The following IMMP2L variants were observed in gnomAD, a reference collection of about 807,000 sequenced individuals.
IMMP2L encodes mitochondrial inner membrane protease subunit 2.
IMMP2L carries 18 observed loss-of-function variants against 19.3 expected under a neutral mutation model. The ratio of observed to expected loss-of-function variants is 0.93; its 90% CI spans 0.64 to 1.38. The LOEUF is 1.38. Ranked by LOEUF, IMMP2L falls within the 40% of genes most tolerant of loss-of-function variation. The pLI, the probability that IMMP2L is intolerant of heterozygous loss-of-function variation, is 0.00. For synonymous variants in IMMP2L, 76 were observed against 73.0 expected, an observed-to-expected ratio of 1.04 and a Z score of -0.21; for missense variants, 233 against 218.2, an observed-to-expected ratio of 1.07 and a Z score of -0.43.
intron 4 of IMMP2L, among the ~76,000 whole-genome samples, chr7:110,899,155 C>T (rs1262537502): frequency 6.6e-6 from 1 of 151,976 alleles, no homozygotes; most frequent in Non-Finnish European, 1.5e-5. Context: ...TTTGAATGAC[C>T]TTTGCATTTG....
intron 5 of IMMP2L, among the ~76,000 whole-genome samples, chr7:110,802,741 T>C (rs1032825745): frequency 2.0e-5 from 3 of 151,946 alleles, no homozygotes; most frequent in African/African-American, 7.3e-5. Flanking sequence ...ACCACGAGAA[T>C]ATAACAGAGT....
At chr7:111,031,093 T>G (rs575132246) in intron 3 of IMMP2L, among the ~76,000 whole-genome samples, 1 of 151,854 alleles carries the variant, frequency 6.6e-6, no homozygotes, top group African/African-American at 2.4e-5. Context: ...ATGTTTAGCT[T>G]AATATAGATA....
At chr7:110,905,335 G>A (rs1250602954) in intron 4 of IMMP2L, among the ~76,000 whole-genome samples, 1 of 152,032 alleles carries the variant, frequency 6.6e-6, no homozygotes, top group African/African-American at 2.4e-5. Context: ...GCTAGGATTA[G>A]GAAAGTTTAA....
intron 3 of IMMP2L, among the ~76,000 whole-genome samples, chr7:111,464,427 G>T (rs1351871169): frequency 1.3e-5 from 2 of 152,140 alleles, no homozygotes; most frequent in Non-Finnish European, 2.9e-5. Context: ...ATATTACAGT[G>T]AGCTATGACC....
At chr7:111,037,530 T>C (rs1791467706) in intron 3 of IMMP2L, among the ~76,000 whole-genome samples, 1 of 152,140 alleles carries the variant, frequency 6.6e-6, no homozygotes, top group Non-Finnish European at 1.5e-5. Flanking sequence ...TTGTAGTAAA[T>C]GAATCATCCA....
intron 3 of IMMP2L, among the ~76,000 whole-genome samples, chr7:111,298,445 A>T (rs1821852151): frequency 1.3e-5 from 2 of 152,120 alleles, no homozygotes; most frequent in Admixed American, 6.6e-5. Context: ...AGTATTTGTT[A>T]AAAATATATA....
At chr7:111,297,895 C>G (rs1026458370) in intron 3 of IMMP2L, among the ~76,000 whole-genome samples, 1 of 152,042 alleles carries the variant, frequency 6.6e-6, no homozygotes, top group Admixed American at 6.6e-5. Context: ...TGATTTCATG[C>G]AGCCAGAAGC....
At chr7:111,223,569 C>G (rs1812752423) in intron 3 of IMMP2L, among the ~76,000 whole-genome samples, 1 of 152,052 alleles carries the variant, frequency 6.6e-6, no homozygotes, top group South Asian at 2.1e-4. Flanking sequence ...TTAATTCACA[C>G]CACGTATGTC....
At chr7:110,838,909 T>C (rs1804776262) in intron 5 of IMMP2L, among the ~76,000 whole-genome samples, 1 of 152,106 alleles carries the variant, frequency 6.6e-6, no homozygotes, top group South Asian at 2.1e-4. Flanking sequence ...GATCTTAATG[T>C]AGCCTTAAAT....
At chr7:111,021,000 A>G (rs1374087687) in intron 3 of IMMP2L, among the ~76,000 whole-genome samples, 2 of 152,242 alleles carry the variant, frequency 1.3e-5, no homozygotes, top group Admixed American at 1.3e-4. Flanking sequence ...AAAGTAAAAT[A>G]GATCAAGTAT....
chr7:110,680,053 C>CA (rs1792599557), intron 5 of IMMP2L, among the ~76,000 whole-genome samples: 1 of 152,022 alleles, frequency 6.6e-6, no homozygotes, highest in Non-Finnish European at 1.5e-5. Context: ...TACGTTTCCC[C>CA]AAAAAAGGCA....
At chr7:111,313,664 A>T (rs907003944) in intron 3 of IMMP2L, among the ~76,000 whole-genome samples, 1 of 152,146 alleles carries the variant, frequency 6.6e-6, no homozygotes, top group Non-Finnish European at 1.5e-5. Flanking sequence ...TGTAAAATCA[A>T]CTATAGGAGT....
rs1420808450 is a variant in IMMP2L, at chr7:111,281,227, A to G, written c.239+206011T>C. Among the ~76,000 whole-genome samples, 24 of 124,012 alleles carry G rather than the reference A, an allele frequency of 1.9e-4. 1 individual carries two copies. The highest frequency in any genetic ancestry group is 7.2e-4 in the African/African-American group (22 of 30,620). 81.4% of individuals were successfully genotyped at this position (124,012 alleles called of 152,430 possible). A position where few individuals can be genotyped will look rare whatever the true frequency, so the allele number is the denominator to read the frequency against. On this transcript the variant is annotated intron_variant, in intron 3 of 5. Transcript: ENST00000405709. Reference sequence around the variant, plus strand: ...GAAAGAAAGAAAGAAAAAGAAAGAAAGAAAGAAAGAAAGAAAGAAGAGAGA... The same window carrying G: ...GAAAGAAAGAAAGAAAAAGAAAGAAGGAAAGAAAGAAAGAAAGAAGAGAGA...
chr7:111,165,942 C>T (rs750809932), intron 3 of IMMP2L, among the ~76,000 whole-genome samples: 1 of 152,042 alleles, frequency 6.6e-6, no homozygotes, highest in Non-Finnish European at 1.5e-5. Flanking sequence ...GAGACTAAGA[C>T]TGAAATTTCT....
chr7:110,717,162 A>G (rs1323265943), intron 5 of IMMP2L, among the ~76,000 whole-genome samples: 3 of 152,186 alleles, frequency 2.0e-5, no homozygotes. Flanking sequence ...GCATCCAAGT[A>G]GACTATAAAG....
intron 3 of IMMP2L, among the ~76,000 whole-genome samples, chr7:111,164,786 G>A (rs1407727796): frequency 6.6e-6 from 1 of 151,966 alleles, no homozygotes; most frequent in Non-Finnish European, 1.5e-5. Context: ...TCTTGGAAGG[G>A]ACATGCCATT....
chr7:111,146,297 C>G (rs910558893), intron 3 of IMMP2L, among the ~76,000 whole-genome samples: 1 of 151,808 alleles, frequency 6.6e-6, no homozygotes, highest in Admixed American at 6.6e-5. Context: ...TCTTGTTTCT[C>G]TGATTTCTTG....
At chr7:111,092,687 G>C (rs972739558) in intron 3 of IMMP2L, among the ~76,000 whole-genome samples, 1 of 152,144 alleles carries the variant, frequency 6.6e-6, no homozygotes. Flanking sequence ...ATGGAATTCA[G>C]TGTGGGTTAA....
chr7:110,764,503 A>C (rs1798541497), intron 5 of IMMP2L, among the ~76,000 whole-genome samples: 1 of 152,144 alleles, frequency 6.6e-6, no homozygotes, highest in Non-Finnish European at 1.5e-5. Context: ...CTACATCAGT[A>C]TATCACGATT....
Sources: gnomAD v4.1 joint callset for allele counts (sites outside exome capture counted in the v4.1 genomes callset) on GRCh38, gnomAD v4.1.1 for gene constraint, MANE v1.5 for transcripts, NCBI Gene and HGNC (gene_info 2026-07-23, HGNC 2026-07-21) for gene names.